The following CERS1 variants were observed in gnomAD, a reference collection of about 807,000 sequenced individuals.
CERS1 encodes the protein Embryonic growth/differentiation factor 1.
In CERS1, 16 loss-of-function variants were observed where a neutral mutation model predicts 35.7. The observed-to-expected ratio is 0.45, with a 90% CI of 0.30 to 0.68. The LOEUF (loss-of-function observed/expected upper bound fraction) is 0.68, where lower values mean the gene tolerates loss of function less well. Among genes scored for constraint, CERS1 ranks in the 30% least tolerant of loss-of-function variants. The pLI is 0.08. For synonymous variants in CERS1, 243 were observed against 201.6 expected (o/e 1.21, Z -1.74); for missense variants, 454 against 453.9 (o/e 1.00, Z 0.00).
upstream of CERS1, chr19:18,896,168 G>C (rs1306205957): frequency 1.3e-5 from 5 of 380,068 alleles, no homozygotes; most frequent in East Asian, 1.7e-4. The surrounding 1 kb of genome is among the most constrained non-coding windows in gnomAD (Gnocchi z 5.9). Flanking sequence ...TGGGCCGGGG[G>C]CGCGCGGGCG....
chr19:18,878,111 T>A lies in CERS1; in HGVS notation c.1010+819A>T. 1 of 985,554 alleles carries A rather than the reference T, an allele frequency of 1.0e-6. No individual in the cohort carries two copies. Among genetic ancestry groups the A allele is most frequent in the Non-Finnish European group, 1.2e-6 (1 of 830,024 alleles). 61.1% of individuals were successfully genotyped at this position (985,554 alleles called of 1,614,324 possible). Reference sequence around the variant, plus strand: ...AGCCACTGCTTCCCTGAAACCATCGTTCCCACGTCACCGATGGCCCCCACC... The same window carrying A: ...AGCCACTGCTTCCCTGAAACCATCGATCCCACGTCACCGATGGCCCCCACC... On this transcript the variant is annotated intron_variant, in intron 6 of 7. Transcript: ENST00000623882. This position sits in a 1 kb window ranked among gnomAD's most constrained non-coding sequence, Gnocchi z 4.6.
At chr19:18,876,899 C>G (rs774547436) in intron 6 of CERS1, among the ~76,000 whole-genome samples, 11 of 152,176 alleles carry the variant, frequency 7.2e-5, no homozygotes, top group Non-Finnish European at 1.0e-4. Flanking sequence ...GGTCCCTTTC[C>G]TGGTCCAGGA....
Position 18,893,536 on chromosome 19 carries a change from C to A in CERS1, c.289G>T (p.Ala97Ser), listed in dbSNP as rs374076863. The A allele has an allele frequency of 1.9e-6, 3 of 1,610,564 alleles. No homozygotes were observed. Among genetic ancestry groups the A allele is most frequent in the Non-Finnish European group, 2.5e-6 (3 of 1,178,764 alleles). The change falls in exon 2 of 8, where the codon GCC (alanine) becomes TCC (serine). Residue 97 changes from alanine to serine, a missense_variant. Coordinates refer to ENST00000623882, the MANE Select transcript of CERS1 (RefSeq NM_021267.5). ...TTCCAAGCGCTCTCGGGCATCTTGG[C>A]GGCATCTCTGGGCTGGAGGCAGCAC... is the stretch of plus-strand genomic sequence containing the variant. ...KRCCLQPRDA[A>S]KMPESAWKFL...
In CERS1 at chr19:18,870,726, CGGCCAGGCCCG is replaced by C; in HGVS notation, c.1011-118_1011-108del. ...TTCACACCCCCTGGCTCCTTTTACC[CGGCCAGGCCCG>C]GGCCTCGCCTTGTGGCTTCCTCCTC... On this transcript the variant is annotated intron_variant, in intron 6 of 7. Transcript: ENST00000623882. The surrounding 1 kb of genome is among the most constrained non-coding windows in gnomAD (Gnocchi z 5.1). 2.2e-6 allele frequency: 1 copy of C among 457,698 alleles called. No homozygotes were observed. The highest frequency in any genetic ancestry group is 4.0e-6 in the Non-Finnish European group (1 of 252,342). The allele number at this position is 457,698 out of a possible 1,614,324, so 28.4% of individuals were successfully genotyped here. A position where few individuals can be genotyped will look rare whatever the true frequency, so the allele number is the denominator to read the frequency against.
chr19:18,890,276 CTT>C lies in CERS1; in HGVS notation c.409+3138_409+3139del, dbSNP rs149000123. Among the ~76,000 whole-genome samples the C allele has an allele frequency of 1.6e-3, 246 of 152,352 alleles. 2 individuals are homozygous for C. Among genetic ancestry groups the C allele is most frequent in the African/African-American group, 5.7e-3 (238 of 41,582 alleles). ...ACCTCCCCAACACAGCACACTGCCT[CTT>C]CTCTCCACACAAGTTTTCTCATCCA... On this transcript the variant is annotated intron_variant, in intron 2 of 7. Coordinates refer to ENST00000623882, the MANE Select transcript of CERS1 (RefSeq NM_021267.5).
intron 1 of CERS1, among the ~76,000 whole-genome samples, chr19:18,894,411 G>C (rs533009066): frequency 6.6e-6 from 1 of 152,258 alleles, no homozygotes; most frequent in African/African-American, 2.4e-5. Context: ...TGGCAACCAG[G>C]CTGCTGCCAA....
chr19:18,884,383 C>A (rs1429779822), intron 2 of CERS1, 116 bp from the exon 3 acceptor site: 2 of 901,530 alleles, frequency 2.2e-6, no homozygotes, highest in Non-Finnish European at 3.2e-6. Flanking sequence ...GGTAACCATG[C>A]GTGTCTGACT....
At chr19:18,892,664 G>A (rs2056520654) in intron 2 of CERS1, among the ~76,000 whole-genome samples, 1 of 152,052 alleles carries the variant, frequency 6.6e-6, no homozygotes, top group South Asian at 2.1e-4. Context: ...TGCTGCCTCA[G>A]CTCTCTGCAG....
In CERS1 at chr19:18,870,666, C is replaced by T. The variant is rs1449420279; in HGVS notation, c.1011-47G>A. The T allele has an allele frequency of 3.9e-6, 2 of 512,102 alleles. No individual in the cohort carries two copies. The highest frequency in any genetic ancestry group is 7.1e-6 in the Non-Finnish European group (2 of 282,756). 31.7% of individuals were successfully genotyped at this position (512,102 alleles called of 1,614,324 possible). ...GGTTAGCCTGGGAGCCCCACGCGGC[C>T]GCCTGGCCCTCTTTCCCGCTTCTTC... On this transcript the variant is annotated intron_variant, in intron 6 of 7. Transcript: ENST00000623882. The surrounding 1 kb of genome is among the most constrained non-coding windows in gnomAD (Gnocchi z 5.1).
chr19:18,879,434 C>A, intron 4 of CERS1, 46 bp from the exon 5 acceptor site: 1 of 1,543,988 alleles, frequency 6.5e-7, no homozygotes, highest in Non-Finnish European at 8.7e-7. Context: ...GGGGACGGTG[C>A]CCTACCCAGT....
rs2056597017 is a variant in CERS1 at position 18,895,266 on chromosome 19, C to G, written c.249+558G>C. ...CTCTTCCCGATTACAGCGGGCAAGC[C>G]GGCCCCGCCGCCGCACGGACCCAGC... On this transcript the variant is annotated intron_variant, in intron 1 of 7. Transcript: ENST00000623882. This position sits in a 1 kb window ranked among gnomAD's most constrained non-coding sequence, Gnocchi z 6.4. Among the ~76,000 whole-genome samples, 1 of 152,228 alleles carries G rather than the reference C, an allele frequency of 6.6e-6. No homozygotes were observed. Among genetic ancestry groups the G allele is most frequent in the African/African-American group, 2.4e-5 (1 of 41,458 alleles).
chr19:18,886,183 G>C (rs926146768), intron 2 of CERS1, among the ~76,000 whole-genome samples: 2 of 150,780 alleles, frequency 1.3e-5, no homozygotes, highest in African/African-American at 2.5e-5. Flanking sequence ...AGGCAGGAGA[G>C]TTGCTTGAGT....
intron 3 of CERS1, among the ~76,000 whole-genome samples, chr19:18,883,682 G>A (rs145775156): frequency 1.8e-3 from 279 of 152,334 alleles, no homozygotes; most frequent in African/African-American, 6.5e-3. Context: ...GGCTGTGGTT[G>A]GCTCTAGAAC....
chr19:18,879,720 C>A (rs1280946649), intron 4 of CERS1, among the ~76,000 whole-genome samples: 1 of 149,058 alleles, frequency 6.7e-6, no homozygotes, highest in Non-Finnish European at 1.5e-5. Context: ...CTGCCCAGTC[C>A]CTCCCCTTTC....
In CERS1 at chr19:18,868,906, C is replaced by G. The variant is rs1369606098; in HGVS notation, c.*1079G>C. 1.7e-5 allele frequency: 24 copies of G among 1,380,214 alleles called. No individual in the cohort carries two copies. Among genetic ancestry groups the G allele is most frequent in the Admixed American group, 2.5e-5 (1 of 39,230 alleles). 85.5% of individuals were successfully genotyped at this position (1,380,214 alleles called of 1,614,324 possible). ...CCTCGCGGAAGCTCACGTACAGCCG[C>G]CGCGCGCGACAAGCGCCCCCGGGGC... is the stretch of plus-strand genomic sequence containing the variant. On this transcript the variant is annotated 3_prime_UTR_variant, in exon 8 of 8. Coordinates refer to ENST00000623882, the MANE Select transcript of CERS1 (RefSeq NM_021267.5).
At chr19:18,893,604 A>C (rs1284450013) in intron 1 of CERS1, 29 bp from the exon 2 acceptor site, 1 of 1,588,910 alleles carries the variant, frequency 6.3e-7, no homozygotes, top group Non-Finnish European at 8.5e-7. Context: ...GCGGGCAGCC[A>C]TTGGTGCTGG....
intron 2 of CERS1, among the ~76,000 whole-genome samples, chr19:18,892,396 T>C (rs879139147): frequency 1.3e-5 from 2 of 151,826 alleles, no homozygotes; most frequent in African/African-American, 2.4e-5. Context: ...GGGCAGATCA[T>C]GAGATCAGGA....
Position 18,896,004 on chromosome 19 carries a change from C to T in CERS1, c.69G>A (p.Val23=). The change falls in exon 1 of 8, where the codon GTG becomes GTA. Residue 23 remains valine, a synonymous_variant. Transcript: ENST00000623882. The surrounding 1 kb of genome is among the most constrained non-coding windows in gnomAD (Gnocchi z 5.9). The part of the protein sequence containing the change: ...PEPMPSYAQL[V]QRGWGSALAA... ...CCAGCGCGCTGCCCCAGCCGCGCTGCACTAGCTGCGCGTAGCTCGGCATGG... is the reference window on the plus strand; with the variant it reads ...CCAGCGCGCTGCCCCAGCCGCGCTGTACTAGCTGCGCGTAGCTCGGCATGG... 2.0e-6 allele frequency: 2 copies of T among 1,019,166 alleles called. No homozygotes were observed. Among genetic ancestry groups the T allele is most frequent in the South Asian group, 7.7e-5 (2 of 26,030 alleles). 63.1% of individuals were successfully genotyped at this position (1,019,166 alleles called of 1,614,324 possible).
At chr19:18,892,381 G>A (rs554813309) in intron 2 of CERS1, among the ~76,000 whole-genome samples, 3 of 152,068 alleles carry the variant, frequency 2.0e-5, no homozygotes, top group East Asian at 2.0e-4. Context: ...TTGGGAGGCT[G>A]AGGCGGGCAG....
Sources: allele counts gnomAD v4.1 joint callset (sites outside exome capture counted in the v4.1 genomes callset), GRCh38; gene constraint gnomAD v4.1.1; non-coding constraint Gnocchi (gnomAD v3.1); transcripts MANE v1.5; gene names NCBI Gene and HGNC (gene_info 2026-07-23, HGNC 2026-07-21).